The following PLA2R1 variants were observed in gnomAD, a reference collection of about 807,000 sequenced individuals.
PLA2R1 encodes the protein secretory phospholipase A2 receptor.
In PLA2R1, 158 loss-of-function variants were observed where a neutral mutation model predicts 195.9. The ratio of observed to expected loss-of-function variants is 0.81; its 90% CI spans 0.71 to 0.92. PLA2R1 has a LOEUF of 0.92. Ranked by LOEUF, PLA2R1 falls within the 40% of genes least tolerant of loss-of-function variation. PLA2R1 has a pLI of 0.00. For missense variants in PLA2R1, 1,626 were observed against 1,764.6 expected (o/e 0.92, Z 1.41); for synonymous variants, 586 against 598.2 (o/e 0.98, Z 0.30).
At chr2:159,948,087 G>A (rs1687496528) in intron 25 of PLA2R1, among the ~76,000 whole-genome samples, 1 of 152,182 alleles carries the variant, frequency 6.6e-6, no homozygotes, top group Non-Finnish European at 1.5e-5. Flanking sequence ...TTATTTCAGA[G>A]AGCAAGCATG....
chr2:160,027,165 C>CTTG (rs1453407051), intron 6 of PLA2R1, among the ~76,000 whole-genome samples: 1 of 152,158 alleles, frequency 6.6e-6, no homozygotes, highest in Non-Finnish European at 1.5e-5. Context: ...TGAAGCAAAG[C>CTTG]AAATAATCCA....
chr2:160,042,748 T>C (rs1181834898), intron 2 of PLA2R1, among the ~76,000 whole-genome samples: 1 of 151,266 alleles, frequency 6.6e-6, no homozygotes, highest in East Asian at 1.9e-4. Flanking sequence ...CAGGTAGCGG[T>C]GCCATGATGA....
chr2:159,967,986 A>T (rs112743206), intron 19 of PLA2R1, among the ~76,000 whole-genome samples: 3 of 152,340 alleles, frequency 2.0e-5, no homozygotes, highest in African/African-American at 7.2e-5. Flanking sequence ...GCAAAAGAAT[A>T]CTTTGTAGGG....
Position 160,044,822 on chromosome 2 carries a change from T to C in PLA2R1, c.445A>G (p.Ile149Val), listed in dbSNP as rs776277048. 1.2e-6 allele frequency: 2 copies of C among 1,612,618 alleles called. No individual in the cohort carries two copies. Among genetic ancestry groups the C allele is most frequent in the South Asian group, 2.2e-5 (2 of 91,034 alleles). ...TCTCCACCACCTGACCCATAAGAAA[T>C]CCACTTATGAATATACTTCCGTGAG... ...VASRKYIHKW[I>V]SYGSGGGDIC... The change falls in exon 2 of 30, where the codon ATT becomes GTT. Residue 149 changes from isoleucine to valine, a missense_variant. Physicochemically the swap from Ile to Val is conservative, Grantham distance 29 (BLOSUM62 3). Transcript: ENST00000283243.
intron 27 of PLA2R1, chr2:159,946,576 T>C: frequency 1.6e-6 from 2 of 1,226,536 alleles, no homozygotes; most frequent in South Asian, 2.7e-5. Context: ...AAGATAAACA[T>C]GTTATTGTTT....
At chr2:160,047,198 A>T (rs1471545669) in intron 1 of PLA2R1, among the ~76,000 whole-genome samples, 1 of 152,136 alleles carries the variant, frequency 6.6e-6, no homozygotes, top group Non-Finnish European at 1.5e-5. Flanking sequence ...CTTTGGGCAG[A>T]TTGCTCCATC....
At chr2:160,001,384 G>C (rs888881358) in intron 11 of PLA2R1, among the ~76,000 whole-genome samples, 1 of 151,740 alleles carries the variant, frequency 6.6e-6, no homozygotes, top group African/African-American at 2.4e-5. Context: ...AAGATGGCAA[G>C]AAAGAAGAGA....
chr2:160,002,907 A>T (rs1218933821), intron 11 of PLA2R1, among the ~76,000 whole-genome samples: 3 of 152,072 alleles, frequency 2.0e-5, no homozygotes, highest in East Asian at 1.9e-4. Context: ...TAATAATTTT[A>T]AAAAAGAGCT....
chr2:159,982,629 A>G (rs765288714), intron 13 of PLA2R1, among the ~76,000 whole-genome samples: 11 of 152,314 alleles, frequency 7.2e-5, no homozygotes, highest in Non-Finnish European at 1.2e-4. Flanking sequence ...ACATGGAGAG[A>G]TGTCAAAAAC....
chr2:159,964,921 G>T (rs1688687562), intron 20 of PLA2R1, among the ~76,000 whole-genome samples: 1 of 151,944 alleles, frequency 6.6e-6, no homozygotes, highest in South Asian at 2.1e-4. Context: ...CAGCTACCTG[G>T]GAGGCTGAGG....
In PLA2R1 at chr2:159,938,774, A is replaced by G. The variant is rs1413978493; in HGVS notation, c.*3004T>C. On this transcript the variant is annotated 3_prime_UTR_variant, in exon 30 of 30. Coordinates refer to ENST00000283243, the MANE Select transcript of PLA2R1 (RefSeq NM_007366.5). ...ACAGCAAGTTCTTATATATCCAACC[A>G]CCATTTTGAGAAGAGTAAAGAAACT... The G allele has an allele frequency of 6.6e-6, 1 of 152,184 alleles. No individual in the cohort carries two copies. 9.4% of individuals were successfully genotyped at this position (152,184 alleles called of 1,614,324 possible). A position where few individuals can be genotyped will look rare whatever the true frequency, so the allele number is the denominator to read the frequency against.
intron 3 of PLA2R1, among the ~76,000 whole-genome samples, chr2:160,040,837 A>G (rs1157583534): frequency 6.6e-6 from 1 of 152,204 alleles, no homozygotes; most frequent in African/African-American, 2.4e-5. Flanking sequence ...TGCTGCTGCT[A>G]TTGTTGCTGC....
rs769369 is a variant in PLA2R1 at position 159,938,745 on chromosome 2, G to A, written c.*3033C>T. The A allele has an allele frequency of 0.21, 32,568 of 152,142 alleles. 3,986 individuals are homozygous for A. Among genetic ancestry groups the A allele is most frequent in the Admixed American group, 0.36 (5,559 of 15,270 alleles). The allele number at this position is 152,142 out of a possible 1,614,324, so 9.4% of individuals were successfully genotyped here. ...TCACCTTCTCCCCTCAACACTACCAGGACACAGCAAGTTCTTATATATCCA... is the reference window on the plus strand; with the variant it reads ...TCACCTTCTCCCCTCAACACTACCAAGACACAGCAAGTTCTTATATATCCA... On this transcript the variant is annotated 3_prime_UTR_variant, in exon 30 of 30. Coordinates refer to ENST00000283243, the MANE Select transcript of PLA2R1 (RefSeq NM_007366.5).
Position 159,951,577 on chromosome 2 carries a change from A to G in PLA2R1, c.3303T>C (p.Asp1101=). 1 of 1,466,414 alleles carries G rather than the reference A, an allele frequency of 6.8e-7. No homozygotes were observed. The highest frequency in any genetic ancestry group is 9.6e-7 in the Non-Finnish European group (1 of 1,043,218). 90.8% of individuals were successfully genotyped at this position (1,466,414 alleles called of 1,614,324 possible). A position where few individuals can be genotyped will look rare whatever the true frequency, so the allele number is the denominator to read the frequency against. The change falls in exon 24 of 30, where the codon GAT becomes GAC. Residue 1101 remains aspartate, a splice_region_variant and synonymous_variant. Coordinates refer to ENST00000283243, the MANE Select transcript of PLA2R1 (RefSeq NM_007366.5). ...GYGFVCEKMQ[D]TSGHGVNTSD... ...ATGTATTTACACCGTGTCCAGAAGT[A>G]TCTAGAACAAGAACAGCAACAAAAG...
chr2:160,052,734 C>A (rs1324529901), intron 1 of PLA2R1, among the ~76,000 whole-genome samples: 1 of 151,782 alleles, frequency 6.6e-6, no homozygotes, highest in Non-Finnish European at 1.5e-5. Context: ...GGAAATGATT[C>A]AAAGACTGGG....
Position 159,984,055 on chromosome 2 carries a change from CT to C in PLA2R1, c.2055del (p.Val686PhefsTer2). ...TCTCTCCATGTTCTTTTCATCAGAA[CT>C]TTTTCACTATGAAATACCTGTATAG... ...ASCFKVFHSE[K>X]VLMKRTWREA... On this transcript the variant is annotated frameshift_variant, in exon 13 of 30. Coordinates refer to ENST00000283243, the MANE Select transcript of PLA2R1 (RefSeq NM_007366.5). LOFTEE classifies it high-confidence loss of function. 1.3e-6 allele frequency: 2 copies of C among 1,563,410 alleles called. No homozygotes were observed. The highest frequency in any genetic ancestry group is 8.8e-7 in the Non-Finnish European group (1 of 1,138,236).
chr2:159,954,112 C>T (rs1046445934), intron 23 of PLA2R1, among the ~76,000 whole-genome samples: 3 of 152,138 alleles, frequency 2.0e-5, no homozygotes, highest in East Asian at 1.9e-4. Context: ...GGATTACTGG[C>T]GTGAGCCACC....
At chr2:159,971,166 AT>A (rs1327450625) in intron 17 of PLA2R1, among the ~76,000 whole-genome samples, 1 of 152,216 alleles carries the variant, frequency 6.6e-6, no homozygotes, top group Non-Finnish European at 1.5e-5. Context: ...GTACTTTTTA[AT>A]ATAAAATTAA....
At chr2:159,957,752 G>T (rs1387955401) in intron 20 of PLA2R1, among the ~76,000 whole-genome samples, 1 of 152,160 alleles carries the variant, frequency 6.6e-6, no homozygotes, top group Non-Finnish European at 1.5e-5. Context: ...CTGAAAGTTC[G>T]ATGAAATTTA....
Sources: allele counts gnomAD v4.1 joint callset (sites outside exome capture counted in the v4.1 genomes callset), GRCh38; gene constraint gnomAD v4.1.1; transcripts MANE v1.5; gene names NCBI Gene and HGNC (gene_info 2026-07-23, HGNC 2026-07-21).